KCNH3: variants seen among roughly 807,000 people sequenced by gnomAD.
KCNH3 encodes voltage-gated inwardly rectifying potassium channel KCNH3.
A neutral mutation model predicts 95.6 loss-of-function variants in KCNH3; 36 were observed. The observed-to-expected ratio is 0.38, with a 90% CI of 0.29 to 0.50. The LOEUF is 0.50. Ranked by LOEUF, KCNH3 falls within the 20% of genes least tolerant of loss-of-function variation. The pLI is 0.95. For synonymous variants in KCNH3, 620 were observed against 646.3 expected, an observed-to-expected ratio of 0.96 and a Z score of 0.62; for missense variants, 1,030 against 1,484.1, an observed-to-expected ratio of 0.69 and a Z score of 5.03.
chr12:49,547,276 C>A (rs145782706), intron 7 of KCNH3, among the ~76,000 whole-genome samples: 1 of 152,334 alleles, frequency 6.6e-6, no homozygotes, highest in East Asian at 1.9e-4. Context: ...GTACATCCTC[C>A]TAAATTCCTT....
chr12:49,556,338 T>C, intron 12 of KCNH3, 32 bp from the exon 13 acceptor site: 16 of 1,484,966 alleles, frequency 1.1e-5, no homozygotes, highest in Non-Finnish European at 1.5e-5. Flanking sequence ...TGCCTGTCCA[T>C]TGATTTGTTG....
At position 49,550,169 on chromosome 12, in the gene KCNH3, C is replaced by A; in HGVS notation, c.1758C>A (p.Ala586=). Residue 586 remains alanine, a synonymous_variant, in exon 10 of 15, where the codon GCC becomes GCA. Coordinates refer to ENST00000257981, the MANE Select transcript of KCNH3 (RefSeq NM_012284.3). ...EVLQLPLFEA[A]SRGCLRALSL... ...TGCAGCTGCCACTGTTTGAGGCGGC[C>A]AGCCGCGGCTGCCTGCGGGCACTGT... 6.2e-7 allele frequency: 1 copy of A among 1,609,158 alleles called. No individual in the cohort carries two copies.
chr12:49,557,381 C>G lies in KCNH3; in HGVS notation c.2680C>G (p.Gln894Glu). Reference sequence around the variant, plus strand: ...GACAGAGCTGTCAGAGCAGGTGCTGCAGATGCGGGAAGGACTGCAGTCACT... The same window carrying G: ...GACAGAGCTGTCAGAGCAGGTGCTGGAGATGCGGGAAGGACTGCAGTCACT... Reference protein sequence around the residue: ...AVTELSEQVLQMREGLQSLRQ... With the variant: ...AVTELSEQVLEMREGLQSLRQ... The change falls in exon 15 of 15, where the codon CAG becomes GAG. Residue 894 changes from glutamine to glutamate, a missense_variant. Coordinates refer to ENST00000257981, the MANE Select transcript of KCNH3 (RefSeq NM_012284.3). The G allele has an allele frequency of 1.2e-6, 2 of 1,601,206 alleles. No individual in the cohort carries two copies. Among genetic ancestry groups the G allele is most frequent in the Non-Finnish European group, 1.7e-6 (2 of 1,171,406 alleles).
At chr12:49,554,179 T>C (rs1169707136) in intron 10 of KCNH3, among the ~76,000 whole-genome samples, 158 bp from the exon 11 acceptor site, 2 of 152,222 alleles carry the variant, frequency 1.3e-5, no homozygotes, top group Non-Finnish European at 2.9e-5. Context: ...CGTCAGGCCA[T>C]GTCCCAGGCC....
intron 12 of KCNH3, 91 bp downstream of exon 12, chr12:49,556,042 C>A: frequency 1.5e-6 from 1 of 667,980 alleles, no homozygotes; most frequent in East Asian, 2.7e-5. Context: ...CCCATCTAAC[C>A]ATCTTAACTC....
chr12:49,555,377 G>A (rs1489595361), intron 11 of KCNH3, among the ~76,000 whole-genome samples: 3 of 149,616 alleles, frequency 2.0e-5, no homozygotes, highest in African/African-American at 7.4e-5. Flanking sequence ...AACCCGGGAG[G>A]TGGAGCTTGC....
chr12:49,545,986 A>G (rs1176749109), intron 7 of KCNH3, among the ~76,000 whole-genome samples: 1 of 151,982 alleles, frequency 6.6e-6, no homozygotes, highest in Non-Finnish European at 1.5e-5. Flanking sequence ...AGACGGCCAC[A>G]AGATGGACAA....
chr12:49,543,827 G>A, intron 5 of KCNH3, 88 bp from the exon 6 acceptor site: 2 of 1,511,590 alleles, frequency 1.3e-6, no homozygotes, highest in Admixed American at 3.5e-5. Context: ...CGGGGACAGT[G>A]TCAACTACTG....
chr12:49,543,601 T>G (rs1403783047), intron 5 of KCNH3, 83 bp downstream of exon 5: 10 of 1,511,238 alleles, frequency 6.6e-6, no homozygotes, highest in Non-Finnish European at 8.0e-6. Flanking sequence ...GCTTCCAGGG[T>G]GCTACAGTGC....
chr12:49,542,721 G>A lies in KCNH3; in HGVS notation c.461G>A (p.Arg154Gln), dbSNP rs1016691255. The A allele has an allele frequency of 1.6e-5, 25 of 1,581,318 alleles. No homozygotes were observed. Among genetic ancestry groups the A allele is most frequent in the South Asian group, 1.0e-4 (9 of 86,324 alleles). Reference sequence around the variant, plus strand: ...TCTTTCGCAGGTGGTGGCCGGCGCCGATATGGCCGGGCACGATCCAAAGGC... The same window carrying A: ...TCTTTCGCAGGTGGTGGCCGGCGCCAATATGGCCGGGCACGATCCAAAGGC... ...RWKETGGGRR[R>Q]YGRARSKGFN... is the part of the protein sequence containing the mutation. Residue 154 changes from arginine (R) to glutamine (Q), a missense_variant, in exon 4 of 15, where the codon CGA becomes CAA. Physicochemically the swap from Arg to Gln is conservative, Grantham distance 43. Transcript: ENST00000257981.
In KCNH3 at chr12:49,557,600, G is replaced by T; in HGVS notation, c.2899G>T (p.Gly967Trp). ...LSGTWPHPRP[G>W]PPPLMAPWPW... ...TGGGACTTGGCCCCACCCTCGTCCG[G>T]GGCCTCCTCCCCTCATGGCACCCTG... The change falls in exon 15 of 15, where the codon GGG becomes TGG. Residue 967 changes from glycine (G) to tryptophan (W), a missense_variant. Transcript: ENST00000257981. 1 of 1,613,288 alleles carries T rather than the reference G, an allele frequency of 6.2e-7. No homozygotes were observed. Among genetic ancestry groups the T allele is most frequent in the Non-Finnish European group, 8.5e-7 (1 of 1,179,942 alleles).
chr12:49,558,126 GCTGGATCC>G lies in KCNH3; in HGVS notation c.*178_*185del. The G allele has an allele frequency of 1.5e-6, 1 of 653,100 alleles. No homozygotes were observed. The highest frequency in any genetic ancestry group is 4.8e-4 in the Middle Eastern group (1 of 2,102). The allele number at this position is 653,100 out of a possible 1,614,324, so 40.5% of individuals were successfully genotyped here. On this transcript the variant is annotated 3_prime_UTR_variant, in exon 15 of 15. Coordinates refer to ENST00000257981, the MANE Select transcript of KCNH3 (RefSeq NM_012284.3). ...GGCTCCTGACTCTCAGAGAGGATAG[GCTGGATCC>G]CTGGGGCAGGCCTCTCCTCGGCCTG...
rs1221474570 is a variant in KCNH3 at position 49,543,962 on chromosome 12, G to T, written c.871G>T (p.Val291Leu). The change falls in exon 6 of 15, where the codon GTG (valine) becomes TTG (leucine). Residue 291 changes from valine to leucine, a missense_variant. Around this residue, in one of 9 missense-constraint regions of KCNH3, gnomAD observed 153 missense variants for 288.5 expected, o/e 0.53. Coordinates refer to ENST00000257981, the MANE Select transcript of KCNH3 (RefSeq NM_012284.3). ...CACATTCGTGTCCAAGTCGGGCCAG[G>T]TGGTGTTTGCCCCAAAGTCCATTTG... ...RTTFVSKSGQ[V>L]VFAPKSICLH... is the part of the protein sequence containing the mutation. 1.2e-6 allele frequency: 2 copies of T among 1,613,712 alleles called. No individual in the cohort carries two copies. The highest frequency in any genetic ancestry group is 1.7e-6 in the Non-Finnish European group (2 of 1,179,554).
chr12:49,544,277 C>T lies in KCNH3; in HGVS notation c.1084C>T (p.Leu362=). The T allele has an allele frequency of 6.2e-7, 1 of 1,610,926 alleles. No individual in the cohort carries two copies. Among genetic ancestry groups the T allele is most frequent in the Non-Finnish European group, 8.5e-7 (1 of 1,179,392 alleles). ...GCAGTACAGCGCCGTGGTGCTGACACTGCTCATGGCCGTGTTCGCCCTGCT... is the reference window on the plus strand; with the variant it reads ...GCAGTACAGCGCCGTGGTGCTGACATTGCTCATGGCCGTGTTCGCCCTGCT... ...YSQYSAVVLT[L]LMAVFALLAH... Residue 362 remains leucine, a synonymous_variant, in exon 7 of 15, where the codon CTG becomes TTG. Transcript: ENST00000257981.
chr12:49,555,555 A>AG (rs945381468), intron 11 of KCNH3, 65 bp from the exon 12 acceptor site: 12 of 1,005,878 alleles, frequency 1.2e-5, no homozygotes, highest in Admixed American at 5.4e-5. Context: ...AAGCCTTGGT[A>AG]GGGGAGGTGA....
In KCNH3 at chr12:49,554,323, C is replaced by T. The variant is rs1425721000; in HGVS notation, c.1919-14C>T. On this transcript the variant is annotated splice_polypyrimidine_tract_variant and intron_variant, in intron 10 of 14. Coordinates refer to ENST00000257981, the MANE Select transcript of KCNH3 (RefSeq NM_012284.3). ...AGCTCTCAGGGCTTGCTGACCTCTA[C>T]TTCCTCTCCCCAGGGAAGGGCGACC... The T allele has an allele frequency of 1.4e-5, 22 of 1,610,604 alleles. No individual in the cohort carries two copies. The highest frequency in any genetic ancestry group is 1.9e-5 in the Non-Finnish European group (22 of 1,177,852).
At position 49,550,111 on chromosome 12, in the gene KCNH3, C is replaced by G. The variant is rs1275548914; in HGVS notation, c.1700C>G (p.Ala567Gly). 1.9e-6 allele frequency: 3 copies of G among 1,600,894 alleles called. No homozygotes were observed. In the African/African-American group the frequency reaches 4.0e-5, roughly 21 times the overall value. ...LLQSLPDELR[A>G]DIAMHLHKEV... Reference sequence around the variant, plus strand: ...CAGAGCCTCCCTGACGAGCTGCGCGCAGACATCGCCATGCACCTGCACAAG... The same window carrying G: ...CAGAGCCTCCCTGACGAGCTGCGCGGAGACATCGCCATGCACCTGCACAAG... Residue 567 changes from alanine to glycine, a missense_variant, in exon 10 of 15, where the codon GCA becomes GGA. By Grantham distance (60) the Ala-to-Gly change is moderately conservative (BLOSUM62 0). Coordinates refer to ENST00000257981, the MANE Select transcript of KCNH3 (RefSeq NM_012284.3).
chr12:49,558,316 C>T lies in KCNH3; in HGVS notation c.*363C>T. 2.5e-6 allele frequency: 1 copy of T among 403,682 alleles called. No homozygotes were observed. The highest frequency in any genetic ancestry group is 4.4e-6 in the Non-Finnish European group (1 of 229,776). The allele number at this position is 403,682 out of a possible 1,614,324, so 25.0% of individuals were successfully genotyped here. On this transcript the variant is annotated 3_prime_UTR_variant, in exon 15 of 15. Transcript: ENST00000257981. ...AAATAAACTACTTTGGAACCTGGTG[C>T]TTTTTATTTACAAAAGAAAAACAAT...
rs376316267 is a variant in KCNH3 at position 49,557,685 on chromosome 12, C to T, written c.2984C>T (p.Thr995Ile). 5 of 1,613,740 alleles carry T rather than the reference C, an allele frequency of 3.1e-6. No individual in the cohort carries two copies. Among genetic ancestry groups the T allele is most frequent in the African/African-American group, 2.7e-5 (2 of 74,938 alleles). The change falls in exon 15 of 15, where the codon ACC (threonine) becomes ATC (isoleucine). Residue 995 changes from threonine (T) to isoleucine (I), a missense_variant. Around this residue, in one of 9 missense-constraint regions of KCNH3, gnomAD observed 464 missense variants for 493.2 expected, o/e 0.94. Coordinates refer to ENST00000257981, the MANE Select transcript of KCNH3 (RefSeq NM_012284.3). ...TGGCCTCGAGCCACAGCTTTCTGGA[C>T]CTCCACCTCAGACTCAGAGCCCCCT... The part of the protein sequence containing the change: ...SPWPRATAFW[T>I]STSDSEPPAS...
Sources: gnomAD v4.1 joint callset for allele counts (sites outside exome capture counted in the v4.1 genomes callset) on GRCh38, gnomAD v4.1.1 for gene constraint, gnomAD v4.1.1 regional missense constraint, MANE v1.5 for transcripts, NCBI Gene and HGNC (gene_info 2026-07-23, HGNC 2026-07-21) for gene names.